ADGRE2: variants seen among roughly 807,000 people sequenced by gnomAD.
ADGRE2 encodes the protein adhesion G protein-coupled receptor E2, also known as CD97 antigen.
In ADGRE2, 83 loss-of-function variants were observed where a neutral mutation model predicts 100.8. The observed-to-expected ratio is 0.82, with a 90% CI of 0.69 to 0.99. The LOEUF is 0.99. Among genes scored for constraint, ADGRE2 ranks in the 50% least tolerant of loss-of-function variants. The pLI is 0.00. For missense variants in ADGRE2, 814 were observed against 1,035.7 expected, an observed-to-expected ratio of 0.79 and a Z score of 2.94; for synonymous variants, 355 against 413.0, an observed-to-expected ratio of 0.86 and a Z score of 1.70.
In ADGRE2 at chr19:14,755,744, G is replaced by C. The variant is rs201737809; in HGVS notation, c.1326C>G (p.Pro442=). 2.5e-6 allele frequency: 4 copies of C among 1,614,038 alleles called. No individual in the cohort carries two copies. The highest frequency in any genetic ancestry group is 1.1e-5 in the South Asian group (1 of 91,074). ...THQGLLQDGS[P]ILLSDVISAF... is the part of the protein sequence containing the mutation. Reference sequence around the variant, plus strand: ...CAGAGATCACATCTGAGAGCAGGATGGGGGAGCCGTCCTGCAGCAAGCCCT... The same window carrying C: ...CAGAGATCACATCTGAGAGCAGGATCGGGGAGCCGTCCTGCAGCAAGCCCT... The change falls in exon 13 of 21, where the codon CCC becomes CCG. Residue 442 remains proline (P), a synonymous_variant. Coordinates refer to ENST00000315576, the MANE Select transcript of ADGRE2 (RefSeq NM_013447.4).
chr19:14,766,146 C>T (rs756840928), intron 7 of ADGRE2, 89 bp downstream of exon 7: 43 of 1,598,396 alleles, frequency 2.7e-5, no homozygotes, highest in Non-Finnish European at 3.4e-5. Flanking sequence ...GCGCCTCCAG[C>T]GCTCATTCTG....
chr19:14,728,694 C>G (rs924850593), downstream of ADGRE2, among the ~76,000 whole-genome samples: 1 of 152,184 alleles, frequency 6.6e-6, no homozygotes, highest in Non-Finnish European at 1.5e-5. Flanking sequence ...AATCCCTTTA[C>G]ACCTTAGGTC....
intron 12 of ADGRE2, 86 bp downstream of exon 12, chr19:14,756,152 A>G (rs1308393896): frequency 1.8e-6 from 2 of 1,085,172 alleles, no homozygotes; most frequent in African/African-American, 1.5e-5. Flanking sequence ...CTTCCCTTTA[A>G]TCTTTAAATT....
intron 18 of ADGRE2, among the ~76,000 whole-genome samples, chr19:14,744,950 C>T (rs1431833275): frequency 4.6e-5 from 7 of 151,822 alleles, no homozygotes; most frequent in Admixed American, 1.3e-4. Flanking sequence ...AGTGCAGTGG[C>T]GCAATCTCGG....
chr19:14,743,841 A>G (rs2147143052), intron 18 of ADGRE2, 57 bp from the exon 19 acceptor site: 9 of 1,540,562 alleles, frequency 5.8e-6, no homozygotes, highest in South Asian at 1.1e-5. Context: ...AATCAAGGCT[A>G]TTTCATCTGT....
rs142407670 is a variant in ADGRE2 at position 14,744,108 on chromosome 19, C to T, written c.2184-324G>A. 9.9e-5 allele frequency among the ~76,000 whole-genome samples: 15 copies of T among 151,032 alleles called. No homozygotes were observed. In the East Asian group the frequency reaches 1.4e-3, roughly 14 times the overall value. The stretch of plus-strand genomic sequence containing the variant: ...AATACAAAAATTAGCCAGGTGTGGT[C>T]GGGGGGGCGCCTGTAATCCCAGCTA... On this transcript the variant is annotated intron_variant, in intron 18 of 20. Transcript: ENST00000315576.
chr19:14,767,455 G>T (rs981589071), intron 5 of ADGRE2, among the ~76,000 whole-genome samples: 7 of 152,056 alleles, frequency 4.6e-5, no homozygotes, highest in Admixed American at 3.3e-4. Flanking sequence ...TAGCCAGGAT[G>T]GTCTTGATCT....
At chr19:14,730,811 C>G (rs1020106683), downstream of ADGRE2, among the ~76,000 whole-genome samples, 3 of 151,718 alleles carry the variant, frequency 2.0e-5, no homozygotes, top group Non-Finnish European at 4.4e-5. Context: ...CCTCCTCCCT[C>G]CCTCCTCCAT....
At chr19:14,732,137 A>G (rs1224582940), downstream of ADGRE2, 1 of 152,200 alleles carries the variant, frequency 6.6e-6, no homozygotes, top group Non-Finnish European at 1.5e-5. Context: ...ACGAGAGTAT[A>G]GGAATACCTC....
intron 10 of ADGRE2, among the ~76,000 whole-genome samples, chr19:14,764,885 C>A (rs1599859339): frequency 1.3e-5 from 2 of 152,092 alleles, no homozygotes; most frequent in South Asian, 4.1e-4. Flanking sequence ...GGCGTGGTGG[C>A]GTGTGCCTGT....
intron 11 of ADGRE2, among the ~76,000 whole-genome samples, chr19:14,761,839 G>A (rs1447132716): frequency 7.2e-5 from 11 of 152,120 alleles, no homozygotes; most frequent in Admixed American, 3.3e-4. Context: ...CAATCTTTGG[G>A]CCCTATGTAA....
At position 14,754,980 on chromosome 19, in the gene ADGRE2, C is replaced by T. The variant is rs542436363; in HGVS notation, c.1564G>A (p.Val522Ile). 2.2e-5 allele frequency: 36 copies of T among 1,614,006 alleles called. No individual in the cohort carries two copies. The highest frequency in any genetic ancestry group is 6.6e-5 in the South Asian group (6 of 91,072). ...CRCTHLSSFA[V>I]LMAHYDVQEE... is the part of the protein sequence containing the mutation. Reference sequence around the variant, plus strand: ...TGCACATCGTAGTGGGCCATGAGGACGGCAAAGCTGCTCAGGTGGGTGCAA... The same window carrying T: ...TGCACATCGTAGTGGGCCATGAGGATGGCAAAGCTGCTCAGGTGGGTGCAA... The change falls in exon 14 of 21, where the codon GTC (valine) becomes ATC (isoleucine). Residue 522 changes from valine (V) to isoleucine (I), a missense_variant. Coordinates refer to ENST00000315576, the MANE Select transcript of ADGRE2 (RefSeq NM_013447.4).
rs1255055718 is a variant in ADGRE2 at position 14,776,524 on chromosome 19, T to C, written c.31+202A>G. The C allele has an allele frequency of 6.4e-6, 4 of 622,614 alleles. No homozygotes were observed. In the Admixed American group the frequency reaches 1.2e-4, roughly 19 times the overall value. The allele number at this position is 622,614 out of a possible 1,614,324, so 38.6% of individuals were successfully genotyped here. ...AGGGTAGCAGGCTCCGAGAGCACCC[T>C]GGAGTTCCTGCCGGGGTGTGGGGGT... is the stretch of plus-strand genomic sequence containing the variant. On this transcript the variant is annotated intron_variant, in intron 2 of 20. Coordinates refer to ENST00000315576, the MANE Select transcript of ADGRE2 (RefSeq NM_013447.4).
rs1165631069 is a variant in ADGRE2 at position 14,776,761 on chromosome 19, C to T, written c.-5G>A. On this transcript the variant is annotated 5_prime_UTR_variant, in exon 2 of 21. Transcript: ENST00000315576. ...GAGAAAGACGCGGCCTCCCATGGTTCCAGCTGAGCTGCCGGCAGGAGCAGC... is the reference window on the plus strand; with the variant it reads ...GAGAAAGACGCGGCCTCCCATGGTTTCAGCTGAGCTGCCGGCAGGAGCAGC... The T allele has an allele frequency of 6.2e-7, 1 of 1,613,404 alleles. No individual in the cohort carries two copies. Among genetic ancestry groups the T allele is most frequent in the Non-Finnish European group, 8.5e-7 (1 of 1,179,738 alleles).
the ADGRE2 span, among the ~76,000 whole-genome samples, chr19:14,725,923 C>T: frequency 6.6e-6 from 1 of 152,202 alleles, no homozygotes; most frequent in Non-Finnish European, 1.5e-5. Flanking sequence ...CTCCACTAGG[C>T]AGTGCCCTGG....
Position 14,772,562 on chromosome 19 carries a change from C to T in ADGRE2, c.200-65G>A, listed in dbSNP as rs562599990. ...TGAGTTCCGTCAGGGCAGAGACCCC[C>T]GTCCTGACTCCCCAACATGGGGCCT... On this transcript the variant is annotated intron_variant, in intron 4 of 20. Transcript: ENST00000315576. The T allele has an allele frequency of 8.9e-5, 140 of 1,572,988 alleles. 1 individual carries two copies. In the African/African-American group the frequency reaches 1.5e-3, roughly 17 times the overall value.
chr19:14,756,346 CTA>C lies in ADGRE2; in HGVS notation c.1085-3_1085-2del, dbSNP rs2043500660. 1 of 1,611,154 alleles carries C rather than the reference CTA, an allele frequency of 6.2e-7. No individual in the cohort carries two copies. The highest frequency in any genetic ancestry group is 1.3e-5 in the African/African-American group (1 of 74,960). ...TGCTTCTGCACCTCCAGGGACAATT[CTA>C]TGAGTTGTGGGAATTACATAAGGGG... On this transcript the variant is annotated splice_acceptor_variant and splice_polypyrimidine_tract_variant and intron_variant, in intron 11 of 20. Coordinates refer to ENST00000315576, the MANE Select transcript of ADGRE2 (RefSeq NM_013447.4). LOFTEE classifies it high-confidence loss of function.
At chr19:14,773,080 C>CAAAAAA (rs35688921) in intron 4 of ADGRE2, among the ~76,000 whole-genome samples, 61 of 45,702 alleles carry the variant, frequency 1.3e-3, no homozygotes, top group African/African-American at 2.1e-3. Context: ...GACTCCATCT[C>CAAAAAA]AAAAAAAAAA....
At chr19:14,726,481 G>A in the ADGRE2 span, among the ~76,000 whole-genome samples, 6 of 152,012 alleles carry the variant, frequency 3.9e-5, no homozygotes, top group Admixed American at 2.0e-4. Context: ...TTACCGCATG[G>A]CCAGGTTGAG....
Sources: gnomAD v4.1 joint callset for allele counts (sites outside exome capture counted in the v4.1 genomes callset) on GRCh38, gnomAD v4.1.1 for gene constraint, MANE v1.5 for transcripts, NCBI Gene and HGNC (gene_info 2026-07-23, HGNC 2026-07-21) for gene names.